Variants in PARD3B observed in about 807,000 individuals in gnomAD.
PARD3B encodes par-3 family cell polarity regulator beta, also known as partitioning defective 3 homolog B.
In PARD3B, 103 loss-of-function variants were observed where a neutral mutation model predicts 130.2. That is an observed-to-expected ratio of 0.79 (90% CI 0.67 to 0.93). The LOEUF is 0.93. PARD3B is among the 40% of genes least tolerant of loss of function. The pLI is 0.00. For synonymous variants in PARD3B, 583 were observed against 553.2 expected, an observed-to-expected ratio of 1.05 and a Z score of -0.76; for missense variants, 1,609 against 1,499.2, an observed-to-expected ratio of 1.07 and a Z score of -1.21.
chr2:204,620,260 C>T (rs1346194722), intron 1 of PARD3B, among the ~76,000 whole-genome samples: 4 of 152,104 alleles, frequency 2.6e-5, no homozygotes, highest in Admixed American at 6.6e-5. Flanking sequence ...GCTTGGGCCA[C>T]CCAAAGTGCT....
chr2:205,504,686 T>C (rs2050283228), intron 21 of PARD3B, among the ~76,000 whole-genome samples: 1 of 152,120 alleles, frequency 6.6e-6, no homozygotes, highest in Non-Finnish European at 1.5e-5. Flanking sequence ...AAAACCACAA[T>C]GAGATGCCAT....
In PARD3B at chr2:205,404,907, G is replaced by T. The variant is rs150712577; in HGVS notation, c.2741+3784G>T. Among the ~76,000 whole-genome samples the T allele has an allele frequency of 2.4e-3, 372 of 152,244 alleles. 3 individuals carry two copies. The highest frequency in any genetic ancestry group is 8.2e-3 in the African/African-American group (342 of 41,530). On this transcript the variant is annotated intron_variant, in intron 19 of 22. Transcript: ENST00000406610. ...ACCTCCTAAATCATATAATCCTATT[G>T]AAGTTTTAATTTCCTTGTAATCATT...
At chr2:204,917,196 G>A (rs1035622332) in intron 2 of PARD3B, among the ~76,000 whole-genome samples, 3 of 152,124 alleles carry the variant, frequency 2.0e-5, no homozygotes, top group African/African-American at 7.2e-5. Context: ...GTTGGTGGGT[G>A]GGTGGATCAG....
rs114953716 is a variant in PARD3B at position 204,976,314 on chromosome 2, G to A, written c.394+10991G>A. 3.1e-3 allele frequency among the ~76,000 whole-genome samples: 472 copies of A among 152,232 alleles called. 5 individuals carry two copies. Among genetic ancestry groups the A allele is most frequent in the African/African-American group, 0.011 (438 of 41,526 alleles). On this transcript the variant is annotated intron_variant, in intron 3 of 22. Coordinates refer to ENST00000406610, the MANE Select transcript of PARD3B (RefSeq NM_001302769.2). Reference sequence around the variant, plus strand: ...AGCAAGCCTGCCTGGGTCAAATATGGCACTGCAACTTACAAGCTGCATGAT... The same window carrying A: ...AGCAAGCCTGCCTGGGTCAAATATGACACTGCAACTTACAAGCTGCATGAT...
chr2:205,573,163 G>A (rs920281617), intron 22 of PARD3B, among the ~76,000 whole-genome samples: 5 of 152,144 alleles, frequency 3.3e-5, no homozygotes, highest in East Asian at 1.9e-4. Context: ...CTACCATGAC[G>A]TGGGGATTAT....
At chr2:204,950,561 A>T (rs780427247) in intron 2 of PARD3B, among the ~76,000 whole-genome samples, 23 of 152,156 alleles carry the variant, frequency 1.5e-4, no homozygotes, top group Non-Finnish European at 3.1e-4. Flanking sequence ...GGCTGCATTC[A>T]GTTCCAGGCC....
intron 2 of PARD3B, among the ~76,000 whole-genome samples, chr2:204,739,635 T>C (rs1574859095): frequency 6.6e-6 from 1 of 152,040 alleles, no homozygotes; most frequent in African/African-American, 2.4e-5. Flanking sequence ...TTTTGTTTTA[T>C]TTTATTGTAA....
At chr2:204,796,562 C>T (rs1484903305) in intron 2 of PARD3B, among the ~76,000 whole-genome samples, 1 of 152,306 alleles carries the variant, frequency 6.6e-6, no homozygotes, top group East Asian at 1.9e-4. Flanking sequence ...GGGTGCCCAG[C>T]ACAAAGTGAG....
chr2:205,403,134 C>G (rs886394262), intron 19 of PARD3B, among the ~76,000 whole-genome samples: 6 of 152,132 alleles, frequency 3.9e-5, no homozygotes, highest in Non-Finnish European at 8.8e-5. Flanking sequence ...GTGATAAAAC[C>G]TATTATACTT....
At chr2:205,082,500 A>G (rs1701478972) in intron 4 of PARD3B, among the ~76,000 whole-genome samples, 2 of 152,128 alleles carry the variant, frequency 1.3e-5, no homozygotes, top group Admixed American at 6.5e-5. Context: ...TGCTGTACTC[A>G]CCTGTTTTCA....
At chr2:204,576,664 A>G (rs1371425693) in intron 1 of PARD3B, among the ~76,000 whole-genome samples, 3 of 152,128 alleles carry the variant, frequency 2.0e-5, no homozygotes, top group East Asian at 3.9e-4. Context: ...TATATTATAT[A>G]ATGGAATCAC....
At chr2:205,215,329 T>G (rs971247766) in intron 15 of PARD3B, among the ~76,000 whole-genome samples, 2 of 151,882 alleles carry the variant, frequency 1.3e-5, no homozygotes, top group Non-Finnish European at 2.9e-5. Context: ...GATTTGGAAA[T>G]GCCAACATTC....
intron 2 of PARD3B, among the ~76,000 whole-genome samples, chr2:204,697,405 C>T (rs1290225187): frequency 6.6e-6 from 1 of 152,086 alleles, no homozygotes; most frequent in African/African-American, 2.4e-5. Flanking sequence ...TTCCCTATTG[C>T]TCTAAGAAAT....
chr2:205,166,263 G>C (rs572684386), intron 11 of PARD3B, among the ~76,000 whole-genome samples: 1 of 152,326 alleles, frequency 6.6e-6, no homozygotes, highest in South Asian at 2.1e-4. Flanking sequence ...GTGTTGAGAT[G>C]ATGAAGCATT....
intron 21 of PARD3B, among the ~76,000 whole-genome samples, chr2:205,502,871 G>T (rs746226373): frequency 8.6e-5 from 13 of 151,892 alleles, no homozygotes; most frequent in Non-Finnish European, 1.9e-4. Context: ...GATCTTCTCA[G>T]ACCAACTTGT....
chr2:204,773,847 A>T (rs1390606406), intron 2 of PARD3B, among the ~76,000 whole-genome samples: 5 of 152,032 alleles, frequency 3.3e-5, no homozygotes, highest in Non-Finnish European at 5.9e-5. Flanking sequence ...TTTAGAATGT[A>T]TAAATCAGAT....
At chr2:204,896,081 T>G (rs1179065571) in intron 2 of PARD3B, among the ~76,000 whole-genome samples, 2 of 152,202 alleles carry the variant, frequency 1.3e-5, no homozygotes, top group Non-Finnish European at 2.9e-5. Context: ...AGACTTCCCT[T>G]AAACCAAAGT....
At chr2:205,496,365 T>C (rs1044093987) in intron 20 of PARD3B, among the ~76,000 whole-genome samples, 5 of 152,188 alleles carry the variant, frequency 3.3e-5, no homozygotes, top group African/African-American at 1.2e-4. Context: ...AAAAGTCTGA[T>C]ACCATTTCTA....
At chr2:205,370,547 A>G (rs1230210603) in intron 18 of PARD3B, among the ~76,000 whole-genome samples, 1 of 152,194 alleles carries the variant, frequency 6.6e-6, no homozygotes, top group Non-Finnish European at 1.5e-5. Flanking sequence ...GGGAAAGGGC[A>G]GGAGTATCTC....
Sources: allele counts gnomAD v4.1 joint callset (sites outside exome capture counted in the v4.1 genomes callset), GRCh38; gene constraint gnomAD v4.1.1; transcripts MANE v1.5; gene names NCBI Gene and HGNC (gene_info 2026-07-23, HGNC 2026-07-21).